RGS6: variants seen among roughly 807,000 people sequenced by gnomAD.
The protein encoded by RGS6 is regulator of G-protein signaling 6.
RGS6 carries 30 observed loss-of-function variants against 78.5 expected under a neutral mutation model. The ratio of observed to expected loss-of-function variants is 0.38; its 90% CI spans 0.29 to 0.52. The LOEUF is 0.52. Among genes scored for constraint, RGS6 ranks in the 20% least tolerant of loss-of-function variants. RGS6 has a pLI of 0.85. For missense variants in RGS6, 495 were observed against 609.7 expected, an observed-to-expected ratio of 0.81 and a Z score of 1.98; for synonymous variants, 206 against 206.0, an observed-to-expected ratio of 1.00 and a Z score of 0.00.
chr14:72,031,122 A>G (rs537083581), intron 2 of RGS6, among the ~76,000 whole-genome samples: 43 of 152,032 alleles, frequency 2.8e-4, no homozygotes, highest in Non-Finnish European at 5.3e-4. Flanking sequence ...TTTTCAGGAG[A>G]TCATGTTCAT....
intron 2 of RGS6, among the ~76,000 whole-genome samples, chr14:72,305,882 C>T (rs1357788903): frequency 6.6e-6 from 1 of 152,170 alleles, no homozygotes; most frequent in Non-Finnish European, 1.5e-5. Flanking sequence ...AGCTAGACCT[C>T]TTGGGCAAAA....
chr14:72,253,718 G>C (rs56263585), intron 2 of RGS6, among the ~76,000 whole-genome samples: 8,693 of 152,304 alleles, frequency 0.057, 360 homozygotes, highest in East Asian at 0.26. Context: ...AAGAAGTGGT[G>C]TAAGTGGTGG....
the RGS6 span, among the ~76,000 whole-genome samples, chr14:71,922,460 T>C: frequency 6.6e-6 from 1 of 152,180 alleles, no homozygotes; most frequent in Non-Finnish European, 1.5e-5. Context: ...GTCTCTTGCT[T>C]AAAGACCCCG....
intron 9 of RGS6, among the ~76,000 whole-genome samples, 181 bp downstream of exon 9, chr14:72,473,134 A>T (rs543757631): frequency 6.6e-6 from 1 of 152,234 alleles, no homozygotes; most frequent in African/African-American, 2.4e-5. Context: ...AATATATGTA[A>T]GTTCCACCTT....
At chr14:71,907,620 G>C in the RGS6 span, among the ~76,000 whole-genome samples, 1 of 152,072 alleles carries the variant, frequency 6.6e-6, no homozygotes, top group Non-Finnish European at 1.5e-5. Context: ...CAGTGGTGGT[G>C]GGGGGATATG....
At chr14:72,438,884 C>G (rs2095061484) in intron 3 of RGS6, among the ~76,000 whole-genome samples, 1 of 152,252 alleles carries the variant, frequency 6.6e-6, no homozygotes, top group African/African-American at 2.4e-5. Context: ...CTGGTCTCCT[C>G]TCCACTGTGT....
chr14:72,182,367 G>C (rs890384593), intron 2 of RGS6, among the ~76,000 whole-genome samples: 1 of 150,936 alleles, frequency 6.6e-6, no homozygotes. Context: ...TTGAACCCGG[G>C]AGGCGGAGGT....
intron 2 of RGS6, among the ~76,000 whole-genome samples, chr14:72,034,485 A>C (rs1189431835): frequency 6.6e-6 from 1 of 151,414 alleles, no homozygotes; most frequent in Admixed American, 6.6e-5. Context: ...TGATTTTTGT[A>C]TGTTAAGCCA....
chr14:72,080,420 G>A (rs1167644893), intron 2 of RGS6, among the ~76,000 whole-genome samples: 2 of 151,752 alleles, frequency 1.3e-5, no homozygotes, highest in East Asian at 1.9e-4. Flanking sequence ...TATACATTTT[G>A]GGTATTAATC....
chr14:72,442,087 C>G (rs1330499843), intron 3 of RGS6, among the ~76,000 whole-genome samples: 2 of 152,136 alleles, frequency 1.3e-5, no homozygotes, highest in Non-Finnish European at 2.9e-5. Context: ...GAGATGATTT[C>G]CCTCTGGTTC....
intron 2 of RGS6, among the ~76,000 whole-genome samples, chr14:72,344,524 C>T (rs570039635): frequency 6.6e-6 from 1 of 152,274 alleles, no homozygotes; most frequent in African/African-American, 2.4e-5. Flanking sequence ...TCACTACCTC[C>T]AAGACCCTTT....
At chr14:72,412,860 C>T (rs1268623247) in intron 3 of RGS6, among the ~76,000 whole-genome samples, 2 of 152,106 alleles carry the variant, frequency 1.3e-5, no homozygotes, top group African/African-American at 4.8e-5. Context: ...TGTTCAGTTT[C>T]CATGTAGTTG....
At chr14:72,436,321 A>C (rs533421114) in intron 3 of RGS6, among the ~76,000 whole-genome samples, 1 of 151,916 alleles carries the variant, frequency 6.6e-6, no homozygotes. Flanking sequence ...AAAACTATAC[A>C]TGACTCTCTT....
chr14:71,994,273 C>T (rs542301024), intron 2 of RGS6, among the ~76,000 whole-genome samples: 21 of 152,142 alleles, frequency 1.4e-4, no homozygotes, highest in African/African-American at 3.9e-4. Context: ...TAGTACCTAA[C>T]GAAGAATTTT....
intron 1 of RGS6, among the ~76,000 whole-genome samples, chr14:71,935,136 A>G (rs541742720): frequency 3.9e-5 from 6 of 152,342 alleles, no homozygotes; most frequent in African/African-American, 1.4e-4. Flanking sequence ...TAATTACTAT[A>G]CACACACTAT....
chr14:72,498,739 T>G (rs1310843292), intron 13 of RGS6, among the ~76,000 whole-genome samples: 1 of 152,166 alleles, frequency 6.6e-6, no homozygotes, highest in Non-Finnish European at 1.5e-5. Flanking sequence ...ACACGCATAC[T>G]GGGGTGGCTC....
chr14:72,371,576 A>C (rs866334258), intron 3 of RGS6, among the ~76,000 whole-genome samples: 3 of 152,158 alleles, frequency 2.0e-5, no homozygotes, highest in Non-Finnish European at 4.4e-5. Context: ...AGCCTGACTA[A>C]CATGGAGAAA....
intron 8 of RGS6, 135 bp downstream of exon 8, chr14:72,470,218 A>G: frequency 1.6e-6 from 1 of 645,148 alleles, no homozygotes; most frequent in Non-Finnish European, 2.7e-6. Context: ...GCAACTGAGT[A>G]GAAATTAAAG....
At position 72,458,393 on chromosome 14, in the gene RGS6, C is replaced by T. The variant is rs1375502619; in HGVS notation, c.342+16C>T. 6.3e-7 allele frequency: 1 copy of T among 1,581,170 alleles called. No homozygotes were observed. Among genetic ancestry groups the T allele is most frequent in the Non-Finnish European group, 8.7e-7 (1 of 1,150,490 alleles). On this transcript the variant is annotated intron_variant, in intron 5 of 17. Transcript: ENST00000553525. ...TCGTTTCCAGGTAAGCCTGCTGGCT[C>T]CTCCTCCTGAAGAACCTTTTCTTCA...
Sources: gnomAD v4.1 joint callset for allele counts (sites outside exome capture counted in the v4.1 genomes callset) on GRCh38, gnomAD v4.1.1 for gene constraint, MANE v1.5 for transcripts, NCBI Gene and HGNC (gene_info 2026-07-23, HGNC 2026-07-21) for gene names.